HS6ST3: variants seen among roughly 807,000 people sequenced by gnomAD.
The protein encoded by HS6ST3 is heparan-sulfate 6-O-sulfotransferase 3.
A neutral mutation model predicts 36.7 loss-of-function variants in HS6ST3; 12 were observed. That is an observed-to-expected ratio of 0.33 (90% CI 0.21 to 0.53). HS6ST3 has a LOEUF of 0.53. Among genes scored for constraint, HS6ST3 ranks in the 20% least tolerant of loss-of-function variants. HS6ST3 has a pLI of 0.95. For missense variants in HS6ST3, 584 were observed against 640.9 expected, an observed-to-expected ratio of 0.91 and a Z score of 0.96; for synonymous variants, 240 against 257.5, an observed-to-expected ratio of 0.93 and a Z score of 0.65.
At chr13:96,121,667 G>A (rs570259480) in intron 1 of HS6ST3, among the ~76,000 whole-genome samples, 4 of 152,288 alleles carry the variant, frequency 2.6e-5, no homozygotes, top group South Asian at 2.1e-4. Flanking sequence ...ATTACAGATC[G>A]TGAAATCTTG....
intron 1 of HS6ST3, among the ~76,000 whole-genome samples, chr13:96,177,026 A>C (rs918741015): frequency 3.9e-5 from 6 of 152,200 alleles, no homozygotes; most frequent in Non-Finnish European, 8.8e-5. Flanking sequence ...AAAAAGCTCA[A>C]TATCACTGAT....
chr13:96,320,370 G>A (rs979002888), intron 1 of HS6ST3, among the ~76,000 whole-genome samples: 1 of 152,158 alleles, frequency 6.6e-6, no homozygotes, highest in Non-Finnish European at 1.5e-5. Flanking sequence ...CCTTCACAGT[G>A]CCTTGCATTA....
intron 1 of HS6ST3, among the ~76,000 whole-genome samples, chr13:96,438,779 G>A (rs2055655312): frequency 6.6e-6 from 1 of 152,124 alleles, no homozygotes; most frequent in South Asian, 2.1e-4. Context: ...AAATATTATG[G>A]TTATGGCTGG....
At chr13:96,527,223 G>A (rs2056117709) in intron 1 of HS6ST3, among the ~76,000 whole-genome samples, 1 of 151,990 alleles carries the variant, frequency 6.6e-6, no homozygotes, top group Non-Finnish European at 1.5e-5. Context: ...GCAAGTTGTT[G>A]GGATTACAGG....
chr13:96,225,545 A>G (rs1310099174), intron 1 of HS6ST3, among the ~76,000 whole-genome samples: 1 of 152,162 alleles, frequency 6.6e-6, no homozygotes, highest in Non-Finnish European at 1.5e-5. Flanking sequence ...TTATTGATGG[A>G]GGAGGTAGTA....
At chr13:96,408,663 C>T (rs1166611214) in intron 1 of HS6ST3, among the ~76,000 whole-genome samples, 2 of 152,092 alleles carry the variant, frequency 1.3e-5, no homozygotes, top group African/African-American at 4.8e-5. Flanking sequence ...GTGGCTCATG[C>T]CTGTAATCTC....
intron 1 of HS6ST3, among the ~76,000 whole-genome samples, chr13:96,636,638 C>T (rs2056550730): frequency 2.0e-5 from 3 of 152,134 alleles, no homozygotes; most frequent in Non-Finnish European, 4.4e-5. Flanking sequence ...CAGCCCAGCT[C>T]TGAAAGGAAG....
At chr13:96,678,702 T>G (rs2056707796) in intron 1 of HS6ST3, among the ~76,000 whole-genome samples, 1 of 151,502 alleles carries the variant, frequency 6.6e-6, no homozygotes, top group South Asian at 2.1e-4. Flanking sequence ...AAAACTAAAC[T>G]AAAAACAGTA....
intron 1 of HS6ST3, among the ~76,000 whole-genome samples, chr13:96,551,438 T>C (rs1193735647): frequency 1.3e-5 from 2 of 152,182 alleles, no homozygotes; most frequent in Admixed American, 6.6e-5. Context: ...CAAGTTTTTA[T>C]TGAGAAACTG....
intron 1 of HS6ST3, among the ~76,000 whole-genome samples, chr13:96,628,036 T>G (rs1172251143): frequency 1.3e-5 from 2 of 151,952 alleles, no homozygotes; most frequent in East Asian, 3.8e-4. Flanking sequence ...TTTGTGAATG[T>G]GTTTATTTAA....
intron 1 of HS6ST3, among the ~76,000 whole-genome samples, chr13:96,643,683 G>A (rs1424902339): frequency 6.6e-6 from 1 of 151,740 alleles, no homozygotes; most frequent in East Asian, 2.0e-4. Flanking sequence ...CCCTGTGAGT[G>A]GAGTCTTCCA....
intron 1 of HS6ST3, among the ~76,000 whole-genome samples, chr13:96,617,700 A>C (rs530366983): frequency 6.6e-6 from 1 of 152,326 alleles, no homozygotes; most frequent in African/African-American, 2.4e-5. Context: ...AGTGGTTGGC[A>C]AGGGTTGGTC....
At chr13:96,648,420 T>A (rs1821528137) in intron 1 of HS6ST3, among the ~76,000 whole-genome samples, 1 of 152,030 alleles carries the variant, frequency 6.6e-6, no homozygotes, top group African/African-American at 2.4e-5. Context: ...ACCTACTTAT[T>A]TGGTAATTTC....
At chr13:96,450,610 G>A (rs764497262) in intron 1 of HS6ST3, among the ~76,000 whole-genome samples, 1 of 152,172 alleles carries the variant, frequency 6.6e-6, no homozygotes, top group Non-Finnish European at 1.5e-5. Flanking sequence ...AGTTTCACAA[G>A]AAGTTGAGAT....
intron 1 of HS6ST3, among the ~76,000 whole-genome samples, chr13:96,297,903 A>G (rs1051789294): frequency 1.3e-5 from 2 of 152,154 alleles, no homozygotes; most frequent in African/African-American, 2.4e-5. Flanking sequence ...AATCTTGCAT[A>G]TAGTACATGC....
At chr13:96,709,939 A>G (rs1875520150) in intron 1 of HS6ST3, among the ~76,000 whole-genome samples, 1 of 152,228 alleles carries the variant, frequency 6.6e-6, no homozygotes, top group South Asian at 2.1e-4. Context: ...CTTGGAGAAG[A>G]TGTAAAGAAA....
chr13:96,760,320 C>G (rs906997003), intron 1 of HS6ST3, among the ~76,000 whole-genome samples: 2 of 151,372 alleles, frequency 1.3e-5, no homozygotes, highest in Non-Finnish European at 3.0e-5. Flanking sequence ...ATTTATATAC[C>G]TTTACTTACA....
At position 96,254,448 on chromosome 13, in the gene HS6ST3, AATATATATATATATATATATAT is replaced by A. The variant is rs869064004; in HGVS notation, c.707+162909_707+162930del. Among the ~76,000 whole-genome samples the A allele has an allele frequency of 4.6e-3, 76 of 16,528 alleles. 2 individuals carry two copies. The highest frequency in any genetic ancestry group is 0.013 in the African/African-American group (58 of 4,616). 10.8% of individuals were successfully genotyped at this position (16,528 alleles called of 152,430 possible). A position where few individuals can be genotyped will look rare whatever the true frequency, so the allele number is the denominator to read the frequency against. On this transcript the variant is annotated intron_variant, in intron 1 of 1. Coordinates refer to ENST00000376705, the MANE Select transcript of HS6ST3 (RefSeq NM_153456.4). ...AAAAAAAAAAAAAAAAAAAAAAAAAAATATATATATATATATATATATATATATATATATATATATATATATA... is the reference window on the plus strand; with the variant it reads ...AAAAAAAAAAAAAAAAAAAAAAAAAAATATATATATATATATATATATATA...
chr13:96,779,730 C>T (rs913668135), intron 1 of HS6ST3, among the ~76,000 whole-genome samples: 5 of 147,288 alleles, frequency 3.4e-5, no homozygotes, highest in African/African-American at 2.5e-5. Flanking sequence ...GGCTCTTTGG[C>T]TTTGGGGCTT....
Sources: gnomAD v4.1 joint callset for allele counts (sites outside exome capture counted in the v4.1 genomes callset) on GRCh38, gnomAD v4.1.1 for gene constraint, MANE v1.5 for transcripts, NCBI Gene and HGNC (gene_info 2026-07-23, HGNC 2026-07-21) for gene names.